The following KIAA1328 variants were observed in gnomAD, a reference collection of about 807,000 sequenced individuals.
KIAA1328 encodes KIAA1328, also known as protein hinderin.
In KIAA1328, 52 loss-of-function variants were observed where a neutral mutation model predicts 68.1. That is an observed-to-expected ratio of 0.76 (90% CI 0.61 to 0.96). The LOEUF is 0.96. Ranked by LOEUF, KIAA1328 falls within the 40% of genes least tolerant of loss-of-function variation. The probability of loss-of-function intolerance (pLI) is 0.00; values close to 1 mark genes in which losing one functional copy is unlikely to be tolerated. For synonymous variants in KIAA1328, 232 were observed against 239.4 expected (o/e 0.97, Z 0.28); for missense variants, 641 against 677.6 (o/e 0.95, Z 0.60).
intron 9 of KIAA1328, among the ~76,000 whole-genome samples, chr18:37,186,394 T>C (rs942609617): frequency 1.3e-5 from 2 of 151,496 alleles, no homozygotes; most frequent in African/African-American, 4.8e-5. Context: ...AGTGAGACCT[T>C]GTTGCTACTA....
chr18:36,907,271 C>T (rs1291722233), intron 5 of KIAA1328, among the ~76,000 whole-genome samples: 2 of 151,800 alleles, frequency 1.3e-5, no homozygotes, highest in Non-Finnish European at 2.9e-5. Flanking sequence ...AATCTGTATG[C>T]TTTTTATTTC....
intron 6 of KIAA1328, among the ~76,000 whole-genome samples, chr18:36,988,894 A>G (rs1013207713): frequency 6.6e-6 from 1 of 152,216 alleles, no homozygotes; most frequent in Non-Finnish European, 1.5e-5. Flanking sequence ...GCAAATGGGG[A>G]AAATGTGATG....
chr18:36,934,702 T>C (rs1173269226), intron 5 of KIAA1328, among the ~76,000 whole-genome samples: 3 of 152,194 alleles, frequency 2.0e-5, no homozygotes, highest in Non-Finnish European at 4.4e-5. Context: ...AAATTTTTTT[T>C]TAGTCTTTCT....
intron 9 of KIAA1328, among the ~76,000 whole-genome samples, chr18:37,205,574 A>G (rs2060201674): frequency 6.6e-6 from 1 of 152,246 alleles, no homozygotes; most frequent in African/African-American, 2.4e-5. Flanking sequence ...TTTCTTCAGT[A>G]GAAAGGACAC....
At chr18:37,120,532 G>T (rs1019621121) in intron 7 of KIAA1328, among the ~76,000 whole-genome samples, 27 of 152,146 alleles carry the variant, frequency 1.8e-4, no homozygotes, top group African/African-American at 5.8e-4. Flanking sequence ...TTGTCACTTT[G>T]TTAGTAAAGT....
chr18:36,889,910 A>G (rs950254463), intron 5 of KIAA1328, among the ~76,000 whole-genome samples: 1 of 152,136 alleles, frequency 6.6e-6, no homozygotes, highest in African/African-American at 2.4e-5. Flanking sequence ...CCTCTGCTTT[A>G]TCTTCTGATC....
intron 7 of KIAA1328, chr18:37,075,023 A>T (rs1395553365): frequency 6.6e-6 from 1 of 151,878 alleles, no homozygotes; most frequent in African/African-American, 2.4e-5. Flanking sequence ...TCCAAGACAC[A>T]TAATTGTCAG....
At chr18:37,071,113 A>G (rs1157464907) in intron 7 of KIAA1328, among the ~76,000 whole-genome samples, 1 of 117,122 alleles carries the variant, frequency 8.5e-6, no homozygotes, top group Non-Finnish European at 1.6e-5. Context: ...TCTGTTGCCC[A>G]TGCTGGAGTG....
intron 4 of KIAA1328, among the ~76,000 whole-genome samples, chr18:36,870,673 A>G (rs2047914345): frequency 6.6e-6 from 1 of 152,208 alleles, no homozygotes; most frequent in Non-Finnish European, 1.5e-5. Flanking sequence ...AGTGATCAAA[A>G]CTAAGAAATT....
intron 4 of KIAA1328, among the ~76,000 whole-genome samples, chr18:36,871,710 A>G (rs762355693): frequency 6.6e-6 from 1 of 152,020 alleles, no homozygotes; most frequent in Non-Finnish European, 1.5e-5. Flanking sequence ...CCGCAAGCCT[A>G]GGACATTTCT....
At chr18:37,029,899 G>A (rs1327666909) in intron 6 of KIAA1328, among the ~76,000 whole-genome samples, 3 of 152,102 alleles carry the variant, frequency 2.0e-5, no homozygotes, top group Admixed American at 2.0e-4. Flanking sequence ...ATTTATGTGG[G>A]ATATTAAGAT....
At chr18:36,862,947 C>T (rs2047615118) in intron 4 of KIAA1328, among the ~76,000 whole-genome samples, 1 of 151,960 alleles carries the variant, frequency 6.6e-6, no homozygotes, top group South Asian at 2.1e-4. Flanking sequence ...TTATTATTTC[C>T]ATCTGTATCT....
chr18:37,093,568 T>G (rs2057324185), intron 7 of KIAA1328, among the ~76,000 whole-genome samples: 1 of 152,102 alleles, frequency 6.6e-6, no homozygotes, highest in Non-Finnish European at 1.5e-5. Context: ...TTTCTGAACT[T>G]GAAAACTGTC....
At chr18:36,883,627 C>T (rs1434288481) in intron 4 of KIAA1328, among the ~76,000 whole-genome samples, 1 of 152,052 alleles carries the variant, frequency 6.6e-6, no homozygotes, top group Non-Finnish European at 1.5e-5. Context: ...AGGGTAATGT[C>T]GATATTCCCA....
At chr18:37,115,354 TTGAACA>T (rs1423337196) in intron 7 of KIAA1328, among the ~76,000 whole-genome samples, 1 of 152,180 alleles carries the variant, frequency 6.6e-6, no homozygotes, top group Non-Finnish European at 1.5e-5. Flanking sequence ...GCAAGGCTGG[TTGAACA>T]TACACAAATC....
chr18:36,993,043 G>A (rs775564476), intron 6 of KIAA1328, among the ~76,000 whole-genome samples: 10 of 152,152 alleles, frequency 6.6e-5, no homozygotes, highest in Non-Finnish European at 1.0e-4. Flanking sequence ...GGAGGCCAAG[G>A]TAGTGTGAGC....
At chr18:36,992,559 C>T (rs564520846) in intron 6 of KIAA1328, among the ~76,000 whole-genome samples, 2 of 150,486 alleles carry the variant, frequency 1.3e-5, no homozygotes, top group Non-Finnish European at 1.5e-5. Flanking sequence ...TTCCTGGGTC[C>T]TTTTTTATTT....
intron 4 of KIAA1328, among the ~76,000 whole-genome samples, chr18:36,884,396 A>T (rs950195676): frequency 6.6e-6 from 1 of 152,188 alleles, no homozygotes; most frequent in Non-Finnish European, 1.5e-5. Flanking sequence ...ATGCTATGAT[A>T]AGCGAGAAGA....
chr18:36,898,749 A>G (rs1273325412), intron 5 of KIAA1328, among the ~76,000 whole-genome samples: 1 of 151,896 alleles, frequency 6.6e-6, no homozygotes, highest in Non-Finnish European at 1.5e-5. Flanking sequence ...AGCAGAACAG[A>G]GTCTGTTAAT....
Sources: gnomAD v4.1 joint callset for allele counts (sites outside exome capture counted in the v4.1 genomes callset) on GRCh38, gnomAD v4.1.1 for gene constraint, MANE v1.5 for transcripts, NCBI Gene and HGNC (gene_info 2026-07-23, HGNC 2026-07-21) for gene names.